The following HMCN2 variants were observed in gnomAD, a reference collection of about 807,000 sequenced individuals.
The protein encoded by HMCN2 is hemicentin 2.
HMCN2 carries 325 observed loss-of-function variants against 377.5 expected under a neutral mutation model. That is an observed-to-expected ratio of 0.86 (90% CI 0.79 to 0.94). HMCN2 has a LOEUF of 0.94. Ranked by LOEUF, HMCN2 falls within the 40% of genes least tolerant of loss-of-function variation. The pLI, the probability that HMCN2 is intolerant of heterozygous loss-of-function variation, is 0.00. For synonymous variants in HMCN2, 2,007 were observed against 2,046.8 expected (o/e 0.98, Z 0.53); for missense variants, 4,543 against 4,725.3 (o/e 0.96, Z 1.13).
In HMCN2 at chr9:130,414,503, C is replaced by T. The variant is rs1843586116; in HGVS notation, c.12961+3851C>T. Among the ~76,000 whole-genome samples, 1 of 152,008 alleles carries T rather than the reference C, an allele frequency of 6.6e-6. No homozygotes were observed. The highest frequency in any genetic ancestry group is 2.4e-5 in the African/African-American group (1 of 41,368). On this transcript the variant is annotated intron_variant, in intron 85 of 97. Coordinates refer to ENST00000683500, the MANE Select transcript of HMCN2 (RefSeq NM_001291815.2). This position sits in a 1 kb window ranked among gnomAD's most constrained non-coding sequence, Gnocchi z 4.4. The stretch of plus-strand genomic sequence containing the variant: ...ACAATACTGAAACTCACTTACACAC[C>T]AGGAACAAGGAAAAGCTCAACTTAC...
intron 22 of HMCN2, among the ~76,000 whole-genome samples, chr9:130,329,557 C>T (rs1838312551): frequency 6.6e-6 from 1 of 151,652 alleles, no homozygotes; most frequent in African/African-American, 2.4e-5. Flanking sequence ...ATTCTCCTGC[C>T]TTAGGCTCCC....
At chr9:130,275,507 T>C (rs372321075) in intron 1 of HMCN2, among the ~76,000 whole-genome samples, 3 of 152,340 alleles carry the variant, frequency 2.0e-5, no homozygotes, top group African/African-American at 7.2e-5. Flanking sequence ...TGGAGTGCAG[T>C]GGCACGATAT....
chr9:130,334,588 A>G (rs1488686963), intron 22 of HMCN2, among the ~76,000 whole-genome samples: 1 of 67,802 alleles, frequency 1.5e-5, no homozygotes, highest in African/African-American at 5.3e-5. Context: ...CCCATTTCCT[A>G]TCTTTTTAAG....
At chr9:130,432,715 C>A in intron 97 of HMCN2, 160 bp downstream of exon 97, 1 of 728,094 alleles carries the variant, frequency 1.4e-6, no homozygotes, top group South Asian at 1.8e-5. Context: ...TGGGAGAGAA[C>A]GGGGACACAG....
At chr9:130,348,395 C>T in intron 26 of HMCN2, 150 bp from the exon 27 acceptor site, 1 of 1,196,136 alleles carries the variant, frequency 8.4e-7, no homozygotes. Context: ...ATCTGCAGGT[C>T]CACAGGACCC....
At chr9:130,284,581 C>T (rs782712997) in intron 1 of HMCN2, 22 bp from the exon 2 acceptor site, 44 of 471,014 alleles carry the variant, frequency 9.3e-5, no homozygotes, top group African/African-American at 7.2e-4. Flanking sequence ...CCCATCTGGG[C>T]GTCCCTCTCT....
chr9:130,293,659 G>A (rs868969118), intron 4 of HMCN2, among the ~76,000 whole-genome samples: 1 of 152,112 alleles, frequency 6.6e-6, no homozygotes, highest in African/African-American at 2.4e-5. Flanking sequence ...GGAGATGCAT[G>A]TCCTACTGAA....
intron 8 of HMCN2, among the ~76,000 whole-genome samples, chr9:130,302,336 G>A (rs1006271480): frequency 2.0e-5 from 3 of 152,190 alleles, no homozygotes; most frequent in African/African-American, 4.8e-5. Flanking sequence ...GTGAGCCATC[G>A]CGCCTGGACT....
chr9:130,304,116 C>T lies in HMCN2; in HGVS notation c.1543+508C>T, dbSNP rs1440628504. 6.6e-6 allele frequency among the ~76,000 whole-genome samples: 1 copy of T among 152,216 alleles called. No individual in the cohort carries two copies. The highest frequency in any genetic ancestry group is 1.5e-5 in the Non-Finnish European group (1 of 68,036). The stretch of plus-strand genomic sequence containing the variant: ...TAGACAGCCAGAAACTACACATGCT[C>T]TTTGTAGGAAAGCTGGAAAAATATA... On this transcript the variant is annotated intron_variant, in intron 10 of 97. Coordinates refer to ENST00000683500, the MANE Select transcript of HMCN2 (RefSeq NM_001291815.2). This position sits in a 1 kb window ranked among gnomAD's most constrained non-coding sequence, Gnocchi z 4.3.
chr9:130,284,782 C>T (rs1835329874), intron 2 of HMCN2, 109 bp downstream of exon 2: 1 of 443,552 alleles, frequency 2.3e-6, no homozygotes, highest in African/African-American at 2.0e-5. Flanking sequence ...CCACCTCTCC[C>T]TCCTCCTGGG....
At chr9:130,331,767 G>A (rs1345891068) in intron 22 of HMCN2, among the ~76,000 whole-genome samples, 3 of 152,192 alleles carry the variant, frequency 2.0e-5, no homozygotes, top group African/African-American at 4.8e-5. Flanking sequence ...TTGGGATTCC[G>A]ATGAGGAGAT....
In HMCN2 at chr9:130,304,868, C is replaced by T. The variant is rs558856790; in HGVS notation, c.1682C>T (p.Thr561Met). Residue 561 changes from threonine (T) to methionine (M), a missense_variant, in exon 11 of 98, where the codon ACG becomes ATG. Around this residue, in one of 5 missense-constraint regions of HMCN2, gnomAD observed 547 missense variants for 189.9 expected, o/e 2.88. Transcript: ENST00000683500. This position sits in a 1 kb window ranked among gnomAD's most constrained non-coding sequence, Gnocchi z 4.3. ...GACTGGCGAGTCCTGCCGGCCTCGA[C>T]GGGCCGAGTTGCCCAGCTGGCTGAC... The part of the protein sequence containing the change: ...VRDWRVLPAS[T>M]GRVAQLADLS... The T allele has an allele frequency of 5.4e-4, 256 of 471,116 alleles. 2 individuals are homozygous for T. Among genetic ancestry groups the T allele is most frequent in the East Asian group, 4.0e-3 (58 of 14,400 alleles). The allele number at this position is 471,116 out of a possible 1,614,324, so 29.2% of individuals were successfully genotyped here.
rs185677880 is a variant in HMCN2, at chr9:130,303,218, C to T, written c.1421+217C>T. Among the ~76,000 whole-genome samples the T allele has an allele frequency of 3.9e-5, 6 of 152,274 alleles. No individual in the cohort carries two copies. The highest frequency in any genetic ancestry group is 7.2e-5 in the African/African-American group (3 of 41,562). On this transcript the variant is annotated intron_variant, in intron 9 of 97. Transcript: ENST00000683500. This position sits in a 1 kb window ranked among gnomAD's most constrained non-coding sequence, Gnocchi z 5.2. ...CTGGGCCATCAGCTGGTGAAGGAGC[C>T]GGGGGCCTTCCTCAGCTCCTGGAAA... is the stretch of plus-strand genomic sequence containing the variant.
At chr9:130,324,455 G>T (rs886656375) in intron 19 of HMCN2, among the ~76,000 whole-genome samples, 1 of 152,080 alleles carries the variant, frequency 6.6e-6, no homozygotes, top group Non-Finnish European at 1.5e-5. Context: ...CCCGCCACGC[G>T]CAGCCTTCTT....
intron 85 of HMCN2, among the ~76,000 whole-genome samples, chr9:130,417,754 T>C (rs1406294549): frequency 1.3e-5 from 2 of 152,202 alleles, no homozygotes; most frequent in African/African-American, 4.8e-5. Context: ...GTGAGGCTAA[T>C]GTGGGCCTCC....
chr9:130,421,649 G>A (rs1844019960), intron 86 of HMCN2, among the ~76,000 whole-genome samples: 1 of 152,162 alleles, frequency 6.6e-6, no homozygotes. Context: ...AAAAGGCCAG[G>A]GATAGGTTCA....
chr9:130,284,478 C>G (rs797032548), intron 1 of HMCN2, 125 bp from the exon 2 acceptor site: 1 of 420,638 alleles, frequency 2.4e-6, no homozygotes, highest in Non-Finnish European at 4.9e-6. Flanking sequence ...CCTGATCTCT[C>G]CCCGTCTTGT....
chr9:130,409,021 C>T, intron 84 of HMCN2, 88 bp downstream of exon 84: 1 of 904,898 alleles, frequency 1.1e-6, no homozygotes, highest in South Asian at 1.6e-5. Flanking sequence ...TCCTATTGCC[C>T]CCTCTGCTTC....
intron 19 of HMCN2, among the ~76,000 whole-genome samples, chr9:130,323,334 A>T (rs879134065): frequency 0.29 from 44,446 of 151,988 alleles, 6,708 homozygotes; most frequent in African/African-American, 0.33. Context: ...TGGCTTCTCC[A>T]TGCCTAGTTA....
Sources: gnomAD v4.1 joint callset for allele counts (sites outside exome capture counted in the v4.1 genomes callset) on GRCh38, gnomAD v4.1.1 for gene constraint, gnomAD v4.1.1 regional missense constraint, Gnocchi (gnomAD v3.1) non-coding constraint, MANE v1.5 for transcripts, NCBI Gene and HGNC (gene_info 2026-07-23, HGNC 2026-07-21) for gene names.